Variants in TRA2B observed in about 807,000 individuals in gnomAD.
TRA2B encodes the protein transformer 2 beta homolog.
TRA2B carries 14 observed loss-of-function variants against 41.7 expected under a neutral mutation model. That is an observed-to-expected ratio of 0.34 (90% CI 0.22 to 0.53). The LOEUF (loss-of-function observed/expected upper bound fraction) is 0.53, where lower values mean the gene tolerates loss of function less well. Among genes scored for constraint, TRA2B ranks in the 20% least tolerant of loss-of-function variants. TRA2B has a pLI of 0.95. For missense variants in TRA2B, 167 were observed against 396.8 expected, an observed-to-expected ratio of 0.42 and a Z score of 4.92; for synonymous variants, 130 against 128.8, an observed-to-expected ratio of 1.01 and a Z score of -0.06.
chr3:185,933,675 G>C (rs558492700), intron 1 of TRA2B, among the ~76,000 whole-genome samples: 2 of 152,160 alleles, frequency 1.3e-5, no homozygotes, highest in Admixed American at 1.3e-4. Context: ...CAGCCAAACT[G>C]TCTACCAGAA....
chr3:185,927,521 T>C (rs1334442547), intron 1 of TRA2B: 3 of 152,184 alleles, frequency 2.0e-5, no homozygotes, highest in African/African-American at 7.2e-5. Flanking sequence ...ACCTAGTTAC[T>C]TAAGTACACA....
In TRA2B at chr3:185,937,992, C is replaced by G. The variant is rs1420256622; in HGVS notation, c.-132G>C. On this transcript the variant is annotated 5_prime_UTR_variant, in exon 1 of 9. Coordinates refer to ENST00000453386, the MANE Select transcript of TRA2B (RefSeq NM_004593.3). Reference sequence around the variant, plus strand: ...CCAGCCGCTCAGAGCCGAAATGCTCCGCACCGCCTCCGCACGGGCTCTAAC... The same window carrying G: ...CCAGCCGCTCAGAGCCGAAATGCTCGGCACCGCCTCCGCACGGGCTCTAAC... The G allele has an allele frequency of 9.7e-7, 1 of 1,030,578 alleles. No homozygotes were observed. Among genetic ancestry groups the G allele is most frequent in the Non-Finnish European group, 1.4e-6 (1 of 690,342 alleles). 63.8% of individuals were successfully genotyped at this position (1,030,578 alleles called of 1,614,324 possible).
chr3:185,914,764 ACTG>A lies in TRA2B; in HGVS notation c.*2948_*2950del, dbSNP rs58388826. Among the ~76,000 whole-genome samples the A allele has an allele frequency of 0.12, 18,812 of 152,042 alleles. 1,607 individuals are homozygous for A. Among genetic ancestry groups the A allele is most frequent in the African/African-American group, 0.23 (9,718 of 41,386 alleles). Reference sequence around the variant, plus strand: ...CTGAAGGAATATTGGAGGCGTGTCCACTGCTAATAAATCCAGCCTAATCCATCC... The same window carrying A: ...CTGAAGGAATATTGGAGGCGTGTCCACTAATAAATCCAGCCTAATCCATCC... On this transcript the variant is annotated 3_prime_UTR_variant, in exon 9 of 9. Transcript: ENST00000453386.
chr3:185,935,637 T>A (rs139638748), intron 1 of TRA2B: 1 of 985,310 alleles, frequency 1.0e-6, no homozygotes, highest in Non-Finnish European at 1.2e-6. Context: ...AAGCCTGGAG[T>A]TGAATAACAC....
intron 1 of TRA2B, chr3:185,936,357 T>TAAA: frequency 1.0e-6 from 1 of 984,178 alleles, no homozygotes; most frequent in Non-Finnish European, 1.2e-6. Context: ...AGCAAGAACT[T>TAAA]AAAAAAAAAT....
chr3:185,925,519 C>T lies in TRA2B; in HGVS notation c.278G>A (p.Arg93Gln). The change falls in exon 3 of 9, where the codon CGG (arginine) becomes CAG (glutamine). Residue 93 changes from arginine to glutamine, a missense_variant. By Grantham distance (43) the Arg-to-Gln change is conservative. Around this residue, in one of 5 missense-constraint regions of TRA2B, gnomAD observed 94 missense variants for 133.4 expected, o/e 0.70. Coordinates refer to ENST00000453386, the MANE Select transcript of TRA2B (RefSeq NM_004593.3). The stretch of plus-strand genomic sequence containing the variant: ...CATGGGAGAATGGCTGTGGCTGTGC[C>T]GTCTACGATAATCTCGACTGTAAGA... The part of the protein sequence containing the change: ...SRSYSRDYRR[R>Q]HSHSHSPMST... 2 of 1,614,102 alleles carry T rather than the reference C, an allele frequency of 1.2e-6. No individual in the cohort carries two copies. Among genetic ancestry groups the T allele is most frequent in the Non-Finnish European group, 1.7e-6 (2 of 1,180,024 alleles).
chr3:185,933,215 G>C (rs550480819), intron 1 of TRA2B, among the ~76,000 whole-genome samples: 52 of 152,306 alleles, frequency 3.4e-4, no homozygotes, highest in African/African-American at 1.3e-3. Flanking sequence ...AGAGGCCATA[G>C]CTCTAGCTAT....
At chr3:185,919,308 T>G (rs573276277) in intron 7 of TRA2B, 129 bp downstream of exon 7, 1 of 641,944 alleles carries the variant, frequency 1.6e-6, no homozygotes, top group Admixed American at 2.8e-5. Flanking sequence ...TCCGTTAGAA[T>G]ATTTTCATGA....
intron 4 of TRA2B, 42 bp from the exon 5 acceptor site, chr3:185,922,168 G>T: frequency 6.9e-7 from 1 of 1,451,628 alleles, no homozygotes; most frequent in Non-Finnish European, 9.6e-7. Flanking sequence ...CCTGAACAAA[G>T]CCACTAATTA....
chr3:185,923,698 T>A, intron 4 of TRA2B, 98 bp downstream of exon 4: 1 of 1,174,792 alleles, frequency 8.5e-7, no homozygotes, highest in Non-Finnish European at 1.2e-6. Context: ...TTCGAAGTAT[T>A]ACTGACTTGT....
At chr3:185,935,061 C>A (rs575213032) in intron 1 of TRA2B, 2 of 985,418 alleles carry the variant, frequency 2.0e-6, no homozygotes, top group East Asian at 2.3e-4. Flanking sequence ...TCTCACACAA[C>A]CTATACGCTG....
At chr3:185,920,409 G>GCTC (rs983888451) in intron 6 of TRA2B, among the ~76,000 whole-genome samples, 5 of 152,290 alleles carry the variant, frequency 3.3e-5, no homozygotes, top group Admixed American at 1.3e-4. Context: ...TCAGGTGGGA[G>GCTC]CGTACTTGGC....
chr3:185,920,994 G>T, intron 6 of TRA2B, 110 bp downstream of exon 6: 1 of 798,236 alleles, frequency 1.3e-6, no homozygotes, highest in Non-Finnish European at 2.0e-6. Context: ...TGCATTTCTC[G>T]AGTAAAAGTA....
chr3:185,937,955 C>A lies in TRA2B; in HGVS notation c.-95G>T. 1 of 1,488,000 alleles carries A rather than the reference C, an allele frequency of 6.7e-7. No individual in the cohort carries two copies. Among genetic ancestry groups the A allele is most frequent in the Non-Finnish European group, 9.2e-7 (1 of 1,084,804 alleles). The allele number at this position is 1,488,000 out of a possible 1,614,324, so 92.2% of individuals were successfully genotyped here. On this transcript the variant is annotated 5_prime_UTR_variant, in exon 1 of 9. Transcript: ENST00000453386. ...GAGGCTCCGCCGCAGCCCCGCACGA[C>A]GCGCCGGTCGCCCAGCCGCTCAGAG... is the stretch of plus-strand genomic sequence containing the variant.
chr3:185,921,900 A>G (rs1743758532), intron 5 of TRA2B, 111 bp downstream of exon 5: 2 of 659,790 alleles, frequency 3.0e-6, no homozygotes, highest in African/African-American at 3.7e-5. Context: ...TTAATCAATC[A>G]ACAGTCAAGT....
intron 4 of TRA2B, 58 bp from the exon 5 acceptor site, chr3:185,922,184 T>C: frequency 7.7e-7 from 1 of 1,290,572 alleles, no homozygotes; most frequent in Non-Finnish European, 1.1e-6. Context: ...AATTATCCTG[T>C]GGCTATGAGT....
Position 185,937,993 on chromosome 3 carries a change from G to T in TRA2B, c.-133C>A. ...CAGCCGCTCAGAGCCGAAATGCTCC[G>T]CACCGCCTCCGCACGGGCTCTAACT... is the stretch of plus-strand genomic sequence containing the variant. On this transcript the variant is annotated 5_prime_UTR_variant, in exon 1 of 9. Transcript: ENST00000453386. The T allele has an allele frequency of 9.7e-7, 1 of 1,028,160 alleles. No individual in the cohort carries two copies. The highest frequency in any genetic ancestry group is 1.5e-6 in the Non-Finnish European group (1 of 688,404). 63.7% of individuals were successfully genotyped at this position (1,028,160 alleles called of 1,614,324 possible).
At chr3:185,920,979 T>C in intron 6 of TRA2B, 125 bp downstream of exon 6, 1 of 635,636 alleles carries the variant, frequency 1.6e-6, no homozygotes. Context: ...TTTAACTTTC[T>C]ACTCTGCATT....
intron 4 of TRA2B, 59 bp from the exon 5 acceptor site, chr3:185,922,185 G>T (rs890535076): frequency 1.6e-6 from 2 of 1,288,618 alleles, no homozygotes; most frequent in Non-Finnish European, 2.2e-6. Flanking sequence ...ATTATCCTGT[G>T]GCTATGAGTA....
Sources: gnomAD v4.1 joint callset for allele counts (sites outside exome capture counted in the v4.1 genomes callset) on GRCh38, gnomAD v4.1.1 for gene constraint, gnomAD v4.1.1 regional missense constraint, MANE v1.5 for transcripts, NCBI Gene and HGNC (gene_info 2026-07-23, HGNC 2026-07-21) for gene names.